Variants in NIN observed in about 807,000 individuals in gnomAD.
The protein encoded by NIN is ninein.
Under a neutral mutation model 257.6 loss-of-function variants are expected in NIN, and 137 were observed. The ratio of observed to expected loss-of-function variants is 0.53; its 90% CI spans 0.46 to 0.61. NIN has a LOEUF of 0.61. NIN is among the 20% of genes least tolerant of loss of function. The pLI, the probability that NIN is intolerant of heterozygous loss-of-function variation, is 0.00. For synonymous variants in NIN, 918 were observed against 919.8 expected, an observed-to-expected ratio of 1.00 and a Z score of 0.04; for missense variants, 2,439 against 2,501.2, an observed-to-expected ratio of 0.98 and a Z score of 0.53.
intron 3 of NIN, among the ~76,000 whole-genome samples, chr14:50,808,824 T>A (rs187077804): frequency 3.8e-4 from 58 of 152,326 alleles, no homozygotes; most frequent in Non-Finnish European, 1.5e-5. Flanking sequence ...GGGTAAAGTA[T>A]CAAGAATGTC....
chr14:50,755,974 C>T (rs1006641104), intron 18 of NIN, among the ~76,000 whole-genome samples: 7 of 152,078 alleles, frequency 4.6e-5, no homozygotes, highest in South Asian at 2.1e-4. Context: ...TGACCATTTG[C>T]ACTGTTTATG....
chr14:50,737,039 T>C (rs2041013382), intron 27 of NIN, among the ~76,000 whole-genome samples: 1 of 152,118 alleles, frequency 6.6e-6, no homozygotes, highest in African/African-American at 2.4e-5. Context: ...GAGCCCCACC[T>C]CCGGGTATTC....
At chr14:50,739,199 G>T in intron 26 of NIN, 109 bp downstream of exon 26, 1 of 913,202 alleles carries the variant, frequency 1.1e-6, no homozygotes, top group Non-Finnish European at 1.7e-6. Context: ...GCTATAGCAG[G>T]ATACTCAAAT....
At chr14:50,756,022 A>C (rs1419348164) in intron 18 of NIN, among the ~76,000 whole-genome samples, 1 of 151,932 alleles carries the variant, frequency 6.6e-6, no homozygotes, top group East Asian at 1.9e-4. Context: ...TGAGTACAAA[A>C]CTATAAAGAC....
At chr14:50,818,545 C>A (rs966313991) in intron 3 of NIN, among the ~76,000 whole-genome samples, 6 of 152,064 alleles carry the variant, frequency 3.9e-5, no homozygotes, top group African/African-American at 9.7e-5. Flanking sequence ...ATGTATATTA[C>A]CCGACTAGAT....
rs1019514426 is a variant in NIN at position 50,763,724 on chromosome 14, T to C, written c.1774+102A>G. 2.8e-5 allele frequency: 29 copies of C among 1,019,858 alleles called. No individual in the cohort carries two copies. The African/African-American group carries it at 4.0e-4, about 14-fold the overall frequency. 63.2% of individuals were successfully genotyped at this position (1,019,858 alleles called of 1,614,324 possible). A position where few individuals can be genotyped will look rare whatever the true frequency, so the allele number is the denominator to read the frequency against. The stretch of plus-strand genomic sequence containing the variant: ...AGTATGGCCAAATTCTTTTTTTTTT[T>C]TTTCTTTTTTCAAGTTGCCAAAGCT... On this transcript the variant is annotated intron_variant, in intron 15 of 30. Coordinates refer to ENST00000530997, the MANE Select transcript of NIN (RefSeq NM_020921.4).
chr14:50,818,361 T>G (rs1371488703), intron 3 of NIN, among the ~76,000 whole-genome samples: 1 of 150,520 alleles, frequency 6.6e-6, no homozygotes, highest in Non-Finnish European at 1.5e-5. Context: ...ACTAAATGTT[T>G]CAACAAAACC....
chr14:50,792,558 G>A, intron 5 of NIN, 154 bp downstream of exon 5: 1 of 743,468 alleles, frequency 1.3e-6, no homozygotes, highest in East Asian at 2.6e-5. Context: ...CATTATATAT[G>A]TCCAAAAGGC....
At chr14:50,796,780 G>T (rs2043858594) in intron 4 of NIN, among the ~76,000 whole-genome samples, 1 of 152,126 alleles carries the variant, frequency 6.6e-6, no homozygotes, top group Admixed American at 6.5e-5. Context: ...GTGTGGAGGG[G>T]AGAAACACAG....
chr14:50,778,899 A>G, intron 5 of NIN, 95 bp from the exon 6 acceptor site: 1 of 1,276,346 alleles, frequency 7.8e-7, no homozygotes, highest in Non-Finnish European at 1.1e-6. Context: ...TGGCTCTGAA[A>G]TCATCATCTA....
intron 29 of NIN, 28 bp from the exon 30 acceptor site, chr14:50,726,094 A>G (rs2040400018): frequency 2.5e-5 from 39 of 1,548,876 alleles, no homozygotes; most frequent in Non-Finnish European, 3.4e-5. Flanking sequence ...ATATTATTCG[A>G]AAATCATGTC....
chr14:50,831,261 G>C (rs886412845), upstream of NIN: 1 of 151,944 alleles, frequency 6.6e-6, no homozygotes, highest in South Asian at 2.1e-4. Flanking sequence ...GGAGCGGGCG[G>C]CGCCGCCTGA....
intron 3 of NIN, among the ~76,000 whole-genome samples, chr14:50,820,297 C>T (rs2045142731): frequency 6.6e-6 from 1 of 152,124 alleles, no homozygotes; most frequent in South Asian, 2.1e-4. Flanking sequence ...CTGTTTGAGT[C>T]TACCAAATGA....
intron 25 of NIN, 92 bp from the exon 26 acceptor site, chr14:50,739,579 C>G: frequency 8.6e-7 from 1 of 1,162,854 alleles, no homozygotes; most frequent in Non-Finnish European, 1.2e-6. Context: ...ATGACAACGA[C>G]TCCTAATAAG....
intron 2 of NIN, chr14:50,823,140 A>G: frequency 1.9e-6 from 1 of 529,970 alleles, no homozygotes; most frequent in Non-Finnish European, 3.8e-6. Flanking sequence ...CTCGTATTTT[A>G]CTAATGAAAT....
chr14:50,821,971 C>A lies in NIN; in HGVS notation c.86G>T (p.Gly29Val). The A allele has an allele frequency of 6.2e-7, 1 of 1,614,160 alleles. No homozygotes were observed. ...GCAAAGGTCGGTGAGTTCCTCCTGCCCCAGGGACCCTGTGCCCGTCGTGTC... is the reference window on the plus strand; with the variant it reads ...GCAAAGGTCGGTGAGTTCCTCCTGCACCAGGGACCCTGTGCCCGTCGTGTC... ...SFDTTGTGSLGQEELTDLCHM... is the reference protein window; with the variant it reads ...SFDTTGTGSLVQEELTDLCHM... The change falls in exon 3 of 31, where the codon GGG becomes GTG. Residue 29 changes from glycine (G) to valine (V), a missense_variant. This residue lies in a region of NIN where 387 missense variants were observed against 427.3 expected (regional missense o/e 0.91). Transcript: ENST00000530997.
At position 50,752,624 on chromosome 14, in the gene NIN, G is replaced by A. The variant is rs548119026; in HGVS notation, c.4844C>T (p.Thr1615Ile). 1.7e-5 allele frequency: 27 copies of A among 1,613,752 alleles called. No individual in the cohort carries two copies. In the South Asian group the frequency reaches 2.7e-4, roughly 16 times the overall value. ...TTTTTCCTTCTGGCATAGCATTTCT[G>A]TTAGACGTTGATTAAGTTCTTGCAG... is the stretch of plus-strand genomic sequence containing the variant. ...EKLQELNQRL[T>I]EMLCQKEKEP... Residue 1615 changes from threonine to isoleucine, a missense_variant, in exon 21 of 31, where the codon ACA (threonine) becomes ATA (isoleucine). Physicochemically the swap from Thr to Ile is moderately conservative, Grantham distance 89. This residue lies in a region of NIN where 2,043 missense variants were observed against 2,050.2 expected (regional missense o/e 1.00). Transcript: ENST00000530997.
chr14:50,779,234 G>A (rs2043034492), intron 5 of NIN, among the ~76,000 whole-genome samples: 1 of 152,168 alleles, frequency 6.6e-6, no homozygotes, highest in African/African-American at 2.4e-5. Flanking sequence ...ATACAACCAT[G>A]AACAACCATG....
chr14:50,788,386 T>C (rs2043435814), intron 5 of NIN, among the ~76,000 whole-genome samples: 1 of 152,178 alleles, frequency 6.6e-6, no homozygotes, highest in East Asian at 1.9e-4. Flanking sequence ...TTCAAAGCAA[T>C]CTCCATAATA....
Sources: gnomAD v4.1 joint callset for allele counts (sites outside exome capture counted in the v4.1 genomes callset) on GRCh38, gnomAD v4.1.1 for gene constraint, gnomAD v4.1.1 regional missense constraint, MANE v1.5 for transcripts, NCBI Gene and HGNC (gene_info 2026-07-23, HGNC 2026-07-21) for gene names.